Variants in RABGAP1L observed in about 807,000 individuals in gnomAD.
RABGAP1L encodes the protein rab GTPase-activating protein 1-like.
In RABGAP1L, 63 loss-of-function variants were observed where a neutral mutation model predicts 137.7. The ratio of observed to expected loss-of-function variants is 0.46; its 90% confidence interval spans 0.37 to 0.56. The LOEUF (loss-of-function observed/expected upper bound fraction) is 0.56, where lower values mean the gene tolerates loss of function less well. Ranked by LOEUF, RABGAP1L falls within the 20% of genes least tolerant of loss-of-function variation. The probability of loss-of-function intolerance (pLI) is 0.00; values close to 1 mark genes in which losing one functional copy is unlikely to be tolerated. For synonymous variants in RABGAP1L, 431 were observed against 433.7 expected (o/e 0.99, Z 0.08); for missense variants, 1,095 against 1,244.0 (o/e 0.88, Z 1.80).
chr1:174,196,653 A>G (rs996335465), intron 1 of RABGAP1L, among the ~76,000 whole-genome samples: 2 of 147,220 alleles, frequency 1.4e-5, no homozygotes, highest in African/African-American at 5.0e-5. Flanking sequence ...TTTCTCTGCA[A>G]TTTCTCCAAA....
intron 8 of RABGAP1L, 145 bp from the exon 9 acceptor site, chr1:174,275,688 T>C: frequency 2.1e-6 from 1 of 483,158 alleles, no homozygotes; most frequent in Non-Finnish European, 3.6e-6. Context: ...TTTTGTAGGA[T>C]GAAAAGAATT....
At chr1:174,174,595 G>T (rs1360229003) in intron 1 of RABGAP1L, among the ~76,000 whole-genome samples, 1 of 152,144 alleles carries the variant, frequency 6.6e-6, no homozygotes, top group East Asian at 1.9e-4. Context: ...TATTAGGTTG[G>T]TGCAAAAGTG....
At chr1:174,766,965 T>A (rs573244385) in intron 18 of RABGAP1L, among the ~76,000 whole-genome samples, 2 of 152,220 alleles carry the variant, frequency 1.3e-5, no homozygotes, top group Non-Finnish European at 2.9e-5. Flanking sequence ...CACAACCCCT[T>A]ATCTTAACCC....
intron 3 of RABGAP1L, among the ~76,000 whole-genome samples, chr1:174,226,708 T>C (rs964333903): frequency 6.6e-5 from 10 of 152,144 alleles, no homozygotes; most frequent in African/African-American, 1.7e-4. Flanking sequence ...GTTTTTCTTA[T>C]ATTAATATAG....
intron 13 of RABGAP1L, among the ~76,000 whole-genome samples, chr1:174,579,988 T>A (rs914803920): frequency 6.6e-6 from 1 of 152,214 alleles, no homozygotes; most frequent in African/African-American, 2.4e-5. Context: ...CTTGAACTCC[T>A]GACCTCAGGT....
Position 174,870,850 on chromosome 1 carries a change from G to T in RABGAP1L, c.2340+58890G>T, listed in dbSNP as rs556403772. 6.0e-5 allele frequency among the ~76,000 whole-genome samples: 9 copies of T among 150,750 alleles called. No individual in the cohort carries two copies. In the South Asian group the frequency reaches 6.3e-4, roughly 10 times the overall value. The stretch of plus-strand genomic sequence containing the variant: ...CCTTCCAGGCTCACGCCATTCTCCT[G>T]CCTCAGCCTCCTGAGTAGCTGGGAC... On this transcript the variant is annotated intron_variant, in intron 19 of 25. Coordinates refer to ENST00000681986, the MANE Select transcript of RABGAP1L (RefSeq NM_001366446.1).
chr1:174,338,765 T>C (rs1260183455), intron 11 of RABGAP1L, among the ~76,000 whole-genome samples: 1 of 152,104 alleles, frequency 6.6e-6, no homozygotes, highest in African/African-American at 2.4e-5. Flanking sequence ...AAAAATTCTT[T>C]CATATTTAAC....
At chr1:174,266,850 A>G (rs911338733) in intron 7 of RABGAP1L, among the ~76,000 whole-genome samples, 1 of 152,222 alleles carries the variant, frequency 6.6e-6, no homozygotes, top group Admixed American at 6.5e-5. Flanking sequence ...CATAATGCTG[A>G]AAGTGAAATT....
At chr1:174,443,090 A>G (rs1286128341) in intron 13 of RABGAP1L, among the ~76,000 whole-genome samples, 3 of 152,018 alleles carry the variant, frequency 2.0e-5, no homozygotes, top group Admixed American at 1.3e-4. Flanking sequence ...TTGTATATAC[A>G]TATTGCTTTT....
At chr1:174,946,900 CAA>C (rs1177949233) in intron 19 of RABGAP1L, among the ~76,000 whole-genome samples, 857 of 20,600 alleles carry the variant, frequency 0.042, 8 homozygotes, top group Non-Finnish European at 0.051. Context: ...GACTCCATCT[CAA>C]AAAAAAAAAA....
rs540919425 is a variant in RABGAP1L at position 174,227,496 on chromosome 1, C to T, written c.332-3649C>T. 3.3e-5 allele frequency among the ~76,000 whole-genome samples: 5 copies of T among 152,034 alleles called. No homozygotes were observed. The East Asian group carries it at 5.8e-4, about 18-fold the overall frequency. ...GATTACAGGCATGAGTCACTGCGCC[C>T]AGCTGACCATTTACCTTTGATGTAA... On this transcript the variant is annotated intron_variant, in intron 3 of 25. Transcript: ENST00000681986.
At chr1:174,720,612 G>A (rs1245194590) in intron 17 of RABGAP1L, among the ~76,000 whole-genome samples, 1 of 152,012 alleles carries the variant, frequency 6.6e-6, no homozygotes, top group Non-Finnish European at 1.5e-5. Context: ...CACCGGTCCC[G>A]GCTGGTAACT....
intron 13 of RABGAP1L, among the ~76,000 whole-genome samples, chr1:174,595,964 C>T (rs1479685207): frequency 9.8e-6 from 1 of 102,434 alleles, no homozygotes; most frequent in East Asian, 2.2e-4. Flanking sequence ...CTCGTTGCCG[C>T]CTTGCAGTTT....
At chr1:174,386,888 G>A (rs1054897517) in intron 12 of RABGAP1L, among the ~76,000 whole-genome samples, 1 of 152,160 alleles carries the variant, frequency 6.6e-6, no homozygotes, top group Non-Finnish European at 1.5e-5. Context: ...GGCCCAGGCA[G>A]TACTTGAAGC....
chr1:174,770,285 A>G (rs978141497), intron 18 of RABGAP1L, among the ~76,000 whole-genome samples: 1 of 152,194 alleles, frequency 6.6e-6, no homozygotes, highest in Non-Finnish European at 1.5e-5. Flanking sequence ...AAATGCTAAA[A>G]CAAACCAACA....
chr1:174,177,470 A>T (rs1665982144), intron 1 of RABGAP1L, among the ~76,000 whole-genome samples: 1 of 152,088 alleles, frequency 6.6e-6, no homozygotes. Flanking sequence ...GCTGTGCAGA[A>T]GCTCTTTAGC....
intron 5 of RABGAP1L, among the ~76,000 whole-genome samples, chr1:174,248,007 G>A (rs893340977): frequency 7.9e-5 from 12 of 152,092 alleles, no homozygotes; most frequent in African/African-American, 2.9e-4. Context: ...ATTTCATTTA[G>A]GAGTAGGAAG....
At chr1:174,711,692 C>T (rs1680535033) in intron 17 of RABGAP1L, among the ~76,000 whole-genome samples, 1 of 152,218 alleles carries the variant, frequency 6.6e-6, no homozygotes, top group African/African-American at 2.4e-5. Flanking sequence ...CACTCCTGCC[C>T]TCCACGGGCT....
intron 19 of RABGAP1L, among the ~76,000 whole-genome samples, chr1:174,907,455 G>A (rs1659280553): frequency 1.3e-5 from 2 of 152,018 alleles, no homozygotes; most frequent in South Asian, 4.2e-4. Context: ...TGGGACTGCA[G>A]GTGTGTGCCA....
Sources: gnomAD v4.1 joint callset for allele counts (sites outside exome capture counted in the v4.1 genomes callset) on GRCh38, gnomAD v4.1.1 for gene constraint, MANE v1.5 for transcripts, NCBI Gene and HGNC (gene_info 2026-07-23, HGNC 2026-07-21) for gene names.